SRPK1: variants seen among roughly 807,000 people sequenced by gnomAD.
SRPK1 encodes the protein SRSF protein kinase 1, also known as SFRS protein kinase 1.
In SRPK1, 52 loss-of-function variants were observed where a neutral mutation model predicts 89.5. The observed-to-expected ratio is 0.58, with a 90% CI of 0.46 to 0.73. SRPK1 has a LOEUF of 0.73. Among genes scored for constraint, SRPK1 ranks in the 30% least tolerant of loss-of-function variants. SRPK1 has a pLI of 0.00. For synonymous variants in SRPK1, 255 were observed against 270.2 expected (o/e 0.94, Z 0.55); for missense variants, 603 against 780.6 (o/e 0.77, Z 2.71).
chr6:35,907,588 C>G (rs1235716751), intron 2 of SRPK1, among the ~76,000 whole-genome samples: 1 of 151,898 alleles, frequency 6.6e-6, no homozygotes, highest in Non-Finnish European at 1.5e-5. Context: ...GTCTGTAATC[C>G]CAGCTACTTG....
At chr6:35,904,888 T>C (rs564659214) in intron 2 of SRPK1, 3 of 384,650 alleles carry the variant, frequency 7.8e-6, no homozygotes, top group Non-Finnish European at 1.5e-5. Flanking sequence ...CCTGTAATTC[T>C]AGTAATTTGG....
intron 6 of SRPK1, among the ~76,000 whole-genome samples, chr6:35,885,199 C>T (rs777756354): frequency 6.7e-6 from 1 of 149,764 alleles, no homozygotes; most frequent in Non-Finnish European, 1.5e-5. Flanking sequence ...CAGATATGGC[C>T]ATCACGACAC....
At chr6:35,881,145 G>T (rs1002389867) in intron 6 of SRPK1, among the ~76,000 whole-genome samples, 2 of 152,158 alleles carry the variant, frequency 1.3e-5, no homozygotes, top group African/African-American at 2.4e-5. Context: ...CATGTAAACA[G>T]AAGCTGAACG....
chr6:35,914,744 G>A (rs375286843), intron 2 of SRPK1, among the ~76,000 whole-genome samples: 1 of 152,072 alleles, frequency 6.6e-6, no homozygotes, highest in East Asian at 1.9e-4. Flanking sequence ...ACAATGCTTG[G>A]GACAGGGTGG....
chr6:35,859,861 CTT>C (rs879560712), intron 12 of SRPK1, among the ~76,000 whole-genome samples: 18 of 140,844 alleles, frequency 1.3e-4, no homozygotes, highest in Admixed American at 2.1e-4. Context: ...AGAACGTAGT[CTT>C]TTTTTTTTTT....
intron 15 of SRPK1, 95 bp from the exon 16 acceptor site, chr6:35,835,583 TGA>T: frequency 8.8e-7 from 1 of 1,139,926 alleles, no homozygotes; most frequent in Non-Finnish European, 1.2e-6. Context: ...ATGTAGTCTA[TGA>T]GGAATCAAAT....
chr6:35,875,172 G>C (rs186087951), intron 6 of SRPK1, among the ~76,000 whole-genome samples: 5 of 151,994 alleles, frequency 3.3e-5, no homozygotes, highest in African/African-American at 1.2e-4. Flanking sequence ...GGAACACCTT[G>C]CTGTTCTAAC....
At chr6:35,919,858 A>C (rs1470910531) in intron 2 of SRPK1, among the ~76,000 whole-genome samples, 2 of 152,218 alleles carry the variant, frequency 1.3e-5, no homozygotes, top group Admixed American at 1.3e-4. Context: ...GTTGAGGTTT[A>C]GACAGAAGAG....
intron 12 of SRPK1, among the ~76,000 whole-genome samples, chr6:35,860,026 TA>T (rs1337360180): frequency 6.6e-6 from 1 of 151,690 alleles, no homozygotes; most frequent in Non-Finnish European, 1.5e-5. Context: ...GCCTGGCTAA[TA>T]TTTTTTTTTT....
chr6:35,876,069 G>A, intron 6 of SRPK1, among the ~76,000 whole-genome samples: 1 of 114,510 alleles, frequency 8.7e-6, no homozygotes. Flanking sequence ...AAAACAACTA[G>A]CCTGGATTCT....
chr6:35,880,735 G>GAAAAAAAAAA (rs1238876364), intron 6 of SRPK1, among the ~76,000 whole-genome samples: 103 of 26,890 alleles, frequency 3.8e-3, no homozygotes, highest in East Asian at 7.4e-3. Context: ...AAAAAAAAAA[G>GAAAAAAAAAA]AAAAAAAAAA....
chr6:35,912,732 CAA>C (rs1004144650), intron 2 of SRPK1, among the ~76,000 whole-genome samples: 6 of 152,164 alleles, frequency 3.9e-5, no homozygotes, highest in African/African-American at 1.4e-4. Context: ...AAAAACCCCA[CAA>C]AAAAGTGCCA....
At chr6:35,849,650 G>A (rs1189585552) in intron 13 of SRPK1, among the ~76,000 whole-genome samples, 2 of 152,158 alleles carry the variant, frequency 1.3e-5, no homozygotes, top group Non-Finnish European at 1.5e-5. Context: ...ACAATAAAAT[G>A]TGGTATATAC....
intron 2 of SRPK1, among the ~76,000 whole-genome samples, chr6:35,911,692 A>T (rs1770964003): frequency 6.6e-6 from 1 of 151,972 alleles, no homozygotes; most frequent in South Asian, 2.1e-4. Flanking sequence ...CGGCCTCCGA[A>T]GTAGCTAGGA....
rs1770058082 is a variant in SRPK1, at chr6:35,872,651, C to T, written c.663G>A (p.Leu221=). 2 of 1,612,296 alleles carry T rather than the reference C, an allele frequency of 1.2e-6. No individual in the cohort carries two copies. The highest frequency in any genetic ancestry group is 1.7e-6 in the Non-Finnish European group (2 of 1,179,242). Reference sequence around the variant, plus strand: ...TCCGAATGTACTGCTCATTCACTGACAATAAGATGTTCTCTGGTTTAATGT... The same window carrying T: ...TCCGAATGTACTGCTCATTCACTGATAATAAGATGTTCTCTGGTTTAATGT... ...HTDIKPENIL[L]SVNEQYIRRL... The change falls in exon 8 of 16, where the codon TTG becomes TTA. Residue 221 remains leucine, a synonymous_variant. Transcript: ENST00000373825.
chr6:35,904,290 T>A (rs949341358), intron 2 of SRPK1, among the ~76,000 whole-genome samples: 2 of 152,178 alleles, frequency 1.3e-5, no homozygotes, highest in African/African-American at 2.4e-5. Context: ...TCTTTGTTGG[T>A]CTTTTTCAAA....
At chr6:35,863,031 G>A (rs1769817361) in intron 12 of SRPK1, among the ~76,000 whole-genome samples, 1 of 151,728 alleles carries the variant, frequency 6.6e-6, no homozygotes, top group Non-Finnish European at 1.5e-5. Context: ...TGCACCTGGG[G>A]TCCCAGCTAC....
In SRPK1 at chr6:35,915,997, TACACACACACACACACACAC is replaced by T. The variant is rs57574093; in HGVS notation, c.74+4451_74+4470del. 1.1e-3 allele frequency among the ~76,000 whole-genome samples: 102 copies of T among 90,206 alleles called. 4 individuals are homozygous for T. The highest frequency in any genetic ancestry group is 7.0e-3 in the South Asian group (18 of 2,576). 59.2% of individuals were successfully genotyped at this position (90,206 alleles called of 152,430 possible). On this transcript the variant is annotated intron_variant, in intron 2 of 15. Coordinates refer to ENST00000373825, the MANE Select transcript of SRPK1 (RefSeq NM_003137.5). Reference sequence around the variant, plus strand: ...AAAAACAAAAAAAAAAAAAAATATATACACACACACACACACACACACACACACACACACACACACACACA... The same window carrying T: ...AAAAACAAAAAAAAAAAAAAATATATACACACACACACACACACACACACA...
At chr6:35,910,499 G>A (rs909105415) in intron 2 of SRPK1, among the ~76,000 whole-genome samples, 1 of 152,218 alleles carries the variant, frequency 6.6e-6, no homozygotes, top group East Asian at 1.9e-4. Context: ...ACATAAAAGT[G>A]CAAGGTAAAG....
Sources: gnomAD v4.1 joint callset for allele counts (sites outside exome capture counted in the v4.1 genomes callset) on GRCh38, gnomAD v4.1.1 for gene constraint, MANE v1.5 for transcripts, NCBI Gene and HGNC (gene_info 2026-07-23, HGNC 2026-07-21) for gene names.